MITF: variants seen among roughly 807,000 people sequenced by gnomAD.
MITF encodes melanocyte inducing transcription factor, also known as microphthalmia-associated transcription factor.
A neutral mutation model predicts 60.5 loss-of-function variants in MITF; 17 were observed. The observed-to-expected ratio is 0.28, with a 90% CI of 0.19 to 0.42. The LOEUF (loss-of-function observed/expected upper bound fraction) is 0.42, where lower values mean the gene tolerates loss of function less well. MITF is among the 10% of genes least tolerant of loss of function. The pLI is 1.00. For missense variants in MITF, 622 were observed against 683.5 expected, an observed-to-expected ratio of 0.91 and a Z score of 1.00; for synonymous variants, 260 against 248.5, an observed-to-expected ratio of 1.05 and a Z score of -0.43.
chr3:69,771,847 C>T (rs546927439), intron 1 of MITF, among the ~76,000 whole-genome samples: 1 of 152,114 alleles, frequency 6.6e-6, no homozygotes, highest in African/African-American at 2.4e-5. Flanking sequence ...GACTGGGTAG[C>T]CTGCCATCGC....
Position 69,762,907 on chromosome 3 carries a change from G to T in MITF, c.104+23206G>T, listed in dbSNP as rs553428679. 4.0e-5 allele frequency: 9 copies of T among 224,660 alleles called. 1 individual carries two copies. The highest frequency in any genetic ancestry group is 1.4e-3 in the Middle Eastern group (1 of 738). The allele number at this position is 224,660 out of a possible 1,614,324, so 13.9% of individuals were successfully genotyped here. ...GGTTGATGGGCTGTCTTATTTCCTGGGGTTGGAGGTTTAAACCAGGACACC... is the reference window on the plus strand; with the variant it reads ...GGTTGATGGGCTGTCTTATTTCCTGTGGTTGGAGGTTTAAACCAGGACACC... On this transcript the variant is annotated intron_variant, in intron 1 of 9. Transcript: ENST00000352241.
intron 2 of MITF, among the ~76,000 whole-genome samples, chr3:69,886,291 G>T (rs1044561964): frequency 6.6e-6 from 1 of 152,138 alleles, no homozygotes; most frequent in African/African-American, 2.4e-5. Context: ...GAGGAGGAAA[G>T]GCAATTGTGC....
chr3:69,859,347 C>G (rs2063972410), intron 1 of MITF, among the ~76,000 whole-genome samples: 2 of 152,226 alleles, frequency 1.3e-5, no homozygotes, highest in South Asian at 4.1e-4. Context: ...CAGTGTCTCT[C>G]TACCTTCTGC....
chr3:69,869,956 T>C (rs892420952), intron 1 of MITF, among the ~76,000 whole-genome samples: 1 of 152,030 alleles, frequency 6.6e-6, no homozygotes, highest in African/African-American at 2.4e-5. Flanking sequence ...TAAGTTATGT[T>C]GAAATGGAGT....
chr3:69,869,873 C>T (rs770755767), intron 1 of MITF, among the ~76,000 whole-genome samples: 1 of 152,092 alleles, frequency 6.6e-6, no homozygotes, highest in Non-Finnish European at 1.5e-5. Context: ...GCTCGTATGA[C>T]TCACTTCACA....
chr3:69,911,058 G>C (rs1458126244), intron 2 of MITF, among the ~76,000 whole-genome samples: 1 of 152,028 alleles, frequency 6.6e-6, no homozygotes, highest in Non-Finnish European at 1.5e-5. Context: ...CCCAGGGGGA[G>C]GTAATTGAAT....
intron 1 of MITF, among the ~76,000 whole-genome samples, chr3:69,751,553 A>ATTT (rs35447609): frequency 1.6e-5 from 2 of 122,832 alleles, no homozygotes; most frequent in African/African-American, 3.0e-5. Flanking sequence ...AAGCATTTTG[A>ATTT]TTTTTTTTTT....
At chr3:69,797,841 T>C (rs1006759478) in intron 1 of MITF, among the ~76,000 whole-genome samples, 2 of 152,244 alleles carry the variant, frequency 1.3e-5, no homozygotes, top group Non-Finnish European at 2.9e-5. Flanking sequence ...GATACAAATC[T>C]GGGACCCCTG....
chr3:69,789,785 G>A (rs2062709581), intron 1 of MITF, among the ~76,000 whole-genome samples: 1 of 152,166 alleles, frequency 6.6e-6, no homozygotes, highest in South Asian at 2.1e-4. Context: ...GAACCCAGGA[G>A]GCAGAGGCTG....
At chr3:69,797,957 G>A (rs1276574623) in intron 1 of MITF, among the ~76,000 whole-genome samples, 1 of 152,186 alleles carries the variant, frequency 6.6e-6, no homozygotes, top group African/African-American at 2.4e-5. Context: ...AGATAAAGTG[G>A]TGACTCATAG....
At chr3:69,816,776 C>A (rs1426585101) in intron 1 of MITF, among the ~76,000 whole-genome samples, 4 of 152,112 alleles carry the variant, frequency 2.6e-5, no homozygotes, top group Non-Finnish European at 5.9e-5. Flanking sequence ...GTTCCTTACA[C>A]ATATTAAGGC....
At chr3:69,805,335 G>C (rs186900496) in intron 1 of MITF, among the ~76,000 whole-genome samples, 8 of 152,022 alleles carry the variant, frequency 5.3e-5, no homozygotes, top group African/African-American at 1.9e-4. Context: ...ATGTTTTAAA[G>C]GTATTCCACA....
intron 1 of MITF, among the ~76,000 whole-genome samples, chr3:69,752,874 C>G (rs1164503909): frequency 6.6e-6 from 1 of 152,200 alleles, no homozygotes; most frequent in Non-Finnish European, 1.5e-5. Flanking sequence ...CCTCACTCCC[C>G]TTTTGCCTTC....
chr3:69,898,248 G>A (rs1161460141), intron 2 of MITF, among the ~76,000 whole-genome samples: 1 of 152,230 alleles, frequency 6.6e-6, no homozygotes, highest in Non-Finnish European at 1.5e-5. Flanking sequence ...TAAAAGGGAT[G>A]TGGGATGAGT....
At position 69,964,411 on chromosome 3, in the gene MITF, A is replaced by G. The variant is rs560810625; in HGVS notation, c.1180-436A>G. Among the ~76,000 whole-genome samples the G allele has an allele frequency of 2.5e-5, 2 of 79,862 alleles. 1 individual carries two copies. The highest frequency in any genetic ancestry group is 7.8e-4 in the South Asian group (2 of 2,572). The allele number at this position is 79,862 out of a possible 152,430, so 52.4% of individuals were successfully genotyped here. ...ACATACTGCCAGTGGTACTTCTCCT[A>G]TACTTTAGAACATACAGAGCTCATT... On this transcript the variant is annotated intron_variant, in intron 9 of 9. Coordinates refer to ENST00000352241, the MANE Select transcript of MITF (RefSeq NM_001354604.2).
intron 2 of MITF, among the ~76,000 whole-genome samples, chr3:69,919,818 T>G (rs2065421393): frequency 1.9e-5 from 1 of 53,882 alleles, no homozygotes; most frequent in African/African-American, 3.1e-5. Context: ...TTTGCTGGGG[T>G]TTTTTTTTGT....
At chr3:69,810,733 A>C (rs149826364) in intron 1 of MITF, among the ~76,000 whole-genome samples, 3 of 152,328 alleles carry the variant, frequency 2.0e-5, no homozygotes, top group Non-Finnish European at 4.4e-5. Context: ...CCATTCATGC[A>C]GTTGTTCATT....
At chr3:69,929,298 T>G (rs1008774266) in intron 2 of MITF, among the ~76,000 whole-genome samples, 1 of 152,088 alleles carries the variant, frequency 6.6e-6, no homozygotes, top group Non-Finnish European at 1.5e-5. Flanking sequence ...GGAGGGAGAA[T>G]CAGGAGCACT....
intron 5 of MITF, among the ~76,000 whole-genome samples, chr3:69,946,814 A>G (rs75563745): frequency 0.017 from 2,567 of 152,152 alleles, 62 homozygotes; most frequent in African/African-American, 0.059. Context: ...TCCCTTTTTG[A>G]TGTGCACTGT....
Sources: gnomAD v4.1 joint callset for allele counts (sites outside exome capture counted in the v4.1 genomes callset) on GRCh38, gnomAD v4.1.1 for gene constraint, MANE v1.5 for transcripts, NCBI Gene and HGNC (gene_info 2026-07-23, HGNC 2026-07-21) for gene names.